ITPA: variants seen among roughly 807,000 people sequenced by gnomAD.
ITPA encodes inosine triphosphate pyrophosphatase.
ITPA carries 29 observed loss-of-function variants against 29.6 expected under a neutral mutation model. The observed-to-expected ratio is 0.98, with a 90% CI of 0.73 to 1.34. The LOEUF (loss-of-function observed/expected upper bound fraction) is 1.34. Among genes scored for constraint, ITPA ranks in the 40% most tolerant of loss-of-function variants. ITPA has a pLI of 0.00. For synonymous variants in ITPA, 103 were observed against 99.3 expected (o/e 1.04, Z -0.22); for missense variants, 241 against 251.5 (o/e 0.96, Z 0.28).
At chr20:3,204,668 G>T, upstream of ITPA, 1 of 1,540,136 alleles carries the variant, frequency 6.5e-7, no homozygotes, top group Non-Finnish European at 8.7e-7. Context: ...CCACCCTGAG[G>T]CCGGGATCTC....
chr20:3,207,129 T>C (rs2067076805), upstream of ITPA, among the ~76,000 whole-genome samples: 1 of 152,172 alleles, frequency 6.6e-6, no homozygotes, highest in Admixed American at 6.6e-5. Flanking sequence ...CTCACTCACA[T>C]CACCCAGGCT....
intron 7 of ITPA, 90 bp downstream of exon 7, chr20:3,222,007 C>T (rs1006515082): frequency 1.3e-5 from 16 of 1,241,312 alleles, no homozygotes; most frequent in East Asian, 2.3e-5. Flanking sequence ...TGCAGGCATG[C>T]GGATATGGGC....
chr20:3,226,200 A>G (rs2067552707), downstream of ITPA, among the ~76,000 whole-genome samples: 2 of 152,064 alleles, frequency 1.3e-5, no homozygotes, highest in Admixed American at 1.3e-4. The surrounding 1 kb of genome is among the most constrained non-coding windows in gnomAD (Gnocchi z 4.4). Context: ...GTCTCGTGGG[A>G]CTGAGCCCTC....
At position 3,216,157 on chromosome 20, in the gene ITPA, G is replaced by GTTTT. The variant is rs71331043; in HGVS notation, c.295+862_295+865dup. On this transcript the variant is annotated intron_variant, in intron 5 of 7. Coordinates refer to ENST00000380113, the MANE Select transcript of ITPA (RefSeq NM_033453.4). The stretch of plus-strand genomic sequence containing the variant: ...AGGCATGCGCCAGCACGCTGGCTAA[G>GTTTT]TTTTTTTTTTTTTTTTTTTTGAGAC... Among the ~76,000 whole-genome samples the GTTTT allele has an allele frequency of 1.9e-4, 21 of 109,248 alleles. 1 individual carries two copies. Among genetic ancestry groups the GTTTT allele is most frequent in the Non-Finnish European group, 3.2e-4 (18 of 56,170 alleles). 71.7% of individuals were successfully genotyped at this position (109,248 alleles called of 152,430 possible). A position where few individuals can be genotyped will look rare whatever the true frequency, so the allele number is the denominator to read the frequency against.
chr20:3,226,465 C>G (rs2067555811), downstream of ITPA, among the ~76,000 whole-genome samples: 1 of 152,130 alleles, frequency 6.6e-6, no homozygotes, highest in Non-Finnish European at 1.5e-5. The surrounding 1 kb of genome is among the most constrained non-coding windows in gnomAD (Gnocchi z 4.4). Flanking sequence ...GCCCTGGGGG[C>G]TCCTGATCTC....
intron 4 of ITPA, 40 bp downstream of exon 4, chr20:3,214,098 C>CAA: frequency 6.4e-7 from 1 of 1,572,408 alleles, no homozygotes; most frequent in South Asian, 1.1e-5. Context: ...GCGTCAGGCC[C>CAA]AAAACCACCA....
At chr20:3,216,594 C>G (rs995694122) in intron 5 of ITPA, among the ~76,000 whole-genome samples, 1 of 151,780 alleles carries the variant, frequency 6.6e-6, no homozygotes, top group Non-Finnish European at 1.5e-5. Flanking sequence ...GCTGGGATTA[C>G]AGGCACCTGC....
chr20:3,221,595 C>T (rs574240991), intron 6 of ITPA, among the ~76,000 whole-genome samples: 2 of 152,322 alleles, frequency 1.3e-5, no homozygotes, highest in South Asian at 2.1e-4. Context: ...GGGCGCGTGG[C>T]CCCGGAGGTG....
Position 3,214,050 on chromosome 20 carries a change from C to T in ITPA, c.255C>T (p.Gly85=). 1 of 1,614,176 alleles carries T rather than the reference C, an allele frequency of 6.2e-7. No homozygotes were observed. The highest frequency in any genetic ancestry group is 8.5e-7 in the Non-Finnish European group (1 of 1,180,010). The part of the protein sequence containing the change: ...LCFNALGGLP[G]PYIKWFLEKL... ...TCAATGCCCTTGGAGGGCTCCCCGG[C>T]CCCTACATGTGAGTGACTACCTCCA... Residue 85 remains glycine, a synonymous_variant, in exon 4 of 8, where the codon GGC becomes GGT. Coordinates refer to ENST00000380113, the MANE Select transcript of ITPA (RefSeq NM_033453.4).
At chr20:3,224,532 A>G (rs887728168), downstream of ITPA, among the ~76,000 whole-genome samples, 1 of 152,216 alleles carries the variant, frequency 6.6e-6, no homozygotes, top group African/African-American at 2.4e-5. Flanking sequence ...GGGTGAGGAC[A>G]GAGTGTCATT....
intron 7 of ITPA, among the ~76,000 whole-genome samples, chr20:3,222,505 G>A (rs1264522262): frequency 6.6e-6 from 1 of 152,166 alleles, no homozygotes; most frequent in Non-Finnish European, 1.5e-5. Flanking sequence ...CACCGCGCCT[G>A]GCCACATCTG....
chr20:3,220,459 C>A (rs1408525592), intron 6 of ITPA, among the ~76,000 whole-genome samples: 1 of 152,086 alleles, frequency 6.6e-6, no homozygotes, highest in Non-Finnish European at 1.5e-5. Flanking sequence ...CTCCTCACGG[C>A]AGAAGCAGAA....
chr20:3,220,144 G>T (rs114384462), intron 6 of ITPA, among the ~76,000 whole-genome samples: 3,484 of 151,066 alleles, frequency 0.023, 127 homozygotes, highest in African/African-American at 0.08. Flanking sequence ...GCTCACGACA[G>T]CCTCCACCTC....
chr20:3,205,091 C>T (rs910287422), upstream of ITPA, among the ~76,000 whole-genome samples: 2 of 152,026 alleles, frequency 1.3e-5, no homozygotes, highest in Non-Finnish European at 2.9e-5. Flanking sequence ...ACCTTGTGAT[C>T]CACCCACCTT....
upstream of ITPA, among the ~76,000 whole-genome samples, chr20:3,207,720 A>AACAAG: frequency 1.0e-5 from 1 of 98,978 alleles, no homozygotes; most frequent in East Asian, 3.2e-4. Flanking sequence ...ACAACAACAA[A>AACAAG]ACACAGTGGC....
chr20:3,211,102 T>C (rs1276632751), intron 1 of ITPA, among the ~76,000 whole-genome samples: 1 of 145,920 alleles, frequency 6.9e-6, no homozygotes, highest in Non-Finnish European at 1.5e-5. Flanking sequence ...AAGAAGGCAC[T>C]AGAGTAGCCA....
chr20:3,215,216 C>A, intron 4 of ITPA, 65 bp from the exon 5 acceptor site: 1 of 1,532,922 alleles, frequency 6.5e-7, no homozygotes, highest in Non-Finnish European at 9.0e-7. Flanking sequence ...AGGGAACAGC[C>A]TGGAAAAGGT....
chr20:3,215,513 C>G (rs1173994360), intron 5 of ITPA, among the ~76,000 whole-genome samples: 3 of 152,152 alleles, frequency 2.0e-5, no homozygotes, highest in African/African-American at 7.2e-5. Flanking sequence ...ATGATGGGAG[C>G]TGCAGGGTTG....
Position 3,210,283 on chromosome 20 carries a change from T to C in ITPA, c.66+666T>C, listed in dbSNP as rs534698828. 9.2e-5 allele frequency among the ~76,000 whole-genome samples: 14 copies of C among 152,330 alleles called. No homozygotes were observed. In the East Asian group the frequency reaches 2.7e-3, roughly 29 times the overall value. ...TAGTGTTATCGTGTCCCACAGGACCTGAAGTTCTCTCAAGAAGCTGACTTG... is the reference window on the plus strand; with the variant it reads ...TAGTGTTATCGTGTCCCACAGGACCCGAAGTTCTCTCAAGAAGCTGACTTG... On this transcript the variant is annotated intron_variant, in intron 1 of 7. Transcript: ENST00000380113.
Sources: gnomAD v4.1 joint callset for allele counts (sites outside exome capture counted in the v4.1 genomes callset) on GRCh38, gnomAD v4.1.1 for gene constraint, Gnocchi (gnomAD v3.1) non-coding constraint, MANE v1.5 for transcripts, NCBI Gene and HGNC (gene_info 2026-07-23, HGNC 2026-07-21) for gene names.